MAGI2: variants seen among roughly 807,000 people sequenced by gnomAD.
MAGI2 encodes membrane-associated guanylate kinase, WW and PDZ domain-containing protein 2.
In MAGI2, 35 loss-of-function variants were observed where a neutral mutation model predicts 133.3. The ratio of observed to expected loss-of-function variants is 0.26; its 90% CI spans 0.20 to 0.35. The LOEUF is 0.35. Ranked by LOEUF, MAGI2 falls within the 10% of genes least tolerant of loss-of-function variation. The pLI is 1.00. For missense variants in MAGI2, 1,636 were observed against 1,863.4 expected (o/e 0.88, Z 2.25); for synonymous variants, 729 against 710.6 (o/e 1.03, Z -0.41).
chr7:79,374,522 A>C (rs848917), intron 1 of MAGI2, among the ~76,000 whole-genome samples: 75,881 of 151,746 alleles, frequency 0.5, 20,413 homozygotes, highest in African/African-American at 0.7. Context: ...AGCTGTGAGA[A>C]AATGAATTTA....
chr7:78,423,866 T>C (rs561211382), intron 6 of MAGI2, among the ~76,000 whole-genome samples: 1 of 152,110 alleles, frequency 6.6e-6, no homozygotes, highest in Admixed American at 6.5e-5. Flanking sequence ...AGAGGTGACT[T>C]GGATGCTGTT....
chr7:78,498,974 C>T (rs939552030), intron 5 of MAGI2, among the ~76,000 whole-genome samples: 1 of 152,072 alleles, frequency 6.6e-6, no homozygotes, highest in African/African-American at 2.4e-5. Context: ...TTTTAATTTT[C>T]CACCTCCATC....
chr7:78,720,517 A>G (rs1412881199), intron 2 of MAGI2, among the ~76,000 whole-genome samples: 1 of 151,934 alleles, frequency 6.6e-6, no homozygotes, highest in East Asian at 1.9e-4. Context: ...TTATTTAGAT[A>G]TATAATTTAT....
intron 2 of MAGI2, among the ~76,000 whole-genome samples, chr7:78,670,158 T>G (rs936211801): frequency 1.3e-5 from 2 of 151,862 alleles, no homozygotes; most frequent in Non-Finnish European, 2.9e-5. Context: ...GACATGATTG[T>G]ATATCTAGAA....
At chr7:78,797,866 A>G (rs958767660) in intron 2 of MAGI2, among the ~76,000 whole-genome samples, 1 of 151,744 alleles carries the variant, frequency 6.6e-6, no homozygotes, top group Non-Finnish European at 1.5e-5. Context: ...AGAGTGCCCA[A>G]GAGCAGTTCA....
At position 78,127,337 on chromosome 7, in the gene MAGI2, G is replaced by A. The variant is rs202076461; in HGVS notation, c.3283C>T (p.Pro1095Ser). The A allele has an allele frequency of 6.2e-7, 1 of 1,611,118 alleles. No individual in the cohort carries two copies. Among genetic ancestry groups the A allele is most frequent in the African/African-American group, 1.3e-5 (1 of 75,018 alleles). The change falls in exon 19 of 22, where the codon CCG becomes TCG. Residue 1095 changes from proline (P) to serine (S), a missense_variant. Pro to Ser is a moderately conservative substitution (Grantham distance 74). Transcript: ENST00000354212. ...CCTGGGGGTTGCCTGTAATCCAGCGGGGGCTGCCTGTAGTCTGTGAATGGA... is the reference window on the plus strand; with the variant it reads ...CCTGGGGGTTGCCTGTAATCCAGCGAGGGCTGCCTGTAGTCTGTGAATGGA... Reference protein sequence around the residue: ...QPPFTDYRQPPLDYRQPPGGD... With the variant: ...QPPFTDYRQPSLDYRQPPGGD...
intron 2 of MAGI2, among the ~76,000 whole-genome samples, chr7:78,823,237 T>C (rs999562521): frequency 2.6e-5 from 4 of 152,206 alleles, no homozygotes; most frequent in African/African-American, 9.6e-5. Context: ...TGAAGGATGA[T>C]TTGACTGAGA....
At chr7:78,212,719 C>T (rs1227796324) in intron 10 of MAGI2, among the ~76,000 whole-genome samples, 1 of 152,178 alleles carries the variant, frequency 6.6e-6, no homozygotes, top group African/African-American at 2.4e-5. Context: ...CATGTGAATT[C>T]TAGTTTCAAA....
At chr7:78,031,625 AT>A in intron 21 of MAGI2, among the ~76,000 whole-genome samples, 1 of 152,100 alleles carries the variant, frequency 6.6e-6, no homozygotes, top group Non-Finnish European at 1.5e-5. Flanking sequence ...GGCATCTTTA[AT>A]CTCAAAGCTT....
intron 1 of MAGI2, among the ~76,000 whole-genome samples, chr7:79,346,106 G>C (rs1156423571): frequency 6.6e-6 from 1 of 151,956 alleles, no homozygotes; most frequent in Non-Finnish European, 1.5e-5. Flanking sequence ...ATTTTTGAGG[G>C]AAAAGTAATA....
At position 78,051,603 on chromosome 7, in the gene MAGI2, G is replaced by T. The variant is rs140682490; in HGVS notation, c.3706+27344C>A. 3.6e-3 allele frequency among the ~76,000 whole-genome samples: 550 copies of T among 152,212 alleles called. 3 individuals carry two copies. The highest frequency in any genetic ancestry group is 0.012 in the African/African-American group (519 of 41,528). On this transcript the variant is annotated intron_variant, in intron 21 of 21. Coordinates refer to ENST00000354212, the MANE Select transcript of MAGI2 (RefSeq NM_012301.4). Reference sequence around the variant, plus strand: ...TGCTATAGTTTGGAGATACATATTTGAGACAGAGTCTGGCTCTGTTGCCCA... The same window carrying T: ...TGCTATAGTTTGGAGATACATATTTTAGACAGAGTCTGGCTCTGTTGCCCA...
chr7:78,123,120 GAT>G (rs963517772), intron 20 of MAGI2, among the ~76,000 whole-genome samples: 3 of 152,136 alleles, frequency 2.0e-5, no homozygotes, highest in African/African-American at 7.2e-5. Context: ...ACGTGACAAT[GAT>G]ATATCTCTTT....
At chr7:78,399,242 G>A (rs546801720) in intron 6 of MAGI2, among the ~76,000 whole-genome samples, 21 of 152,166 alleles carry the variant, frequency 1.4e-4, no homozygotes, top group South Asian at 8.3e-4. Flanking sequence ...ACATGCATGC[G>A]GGTGTGTGCA....
chr7:78,764,573 GTTC>G (rs1034995733), intron 2 of MAGI2, among the ~76,000 whole-genome samples: 2 of 152,270 alleles, frequency 1.3e-5, no homozygotes, highest in South Asian at 2.1e-4. Flanking sequence ...ATGTTAAACA[GTTC>G]TTCTTCCTCT....
chr7:79,328,802 G>T (rs935839356), intron 1 of MAGI2, among the ~76,000 whole-genome samples: 3 of 151,914 alleles, frequency 2.0e-5, no homozygotes, highest in African/African-American at 7.3e-5. Flanking sequence ...TATTTTTCTT[G>T]TGCTTAAACC....
At chr7:78,945,777 T>C (rs1209009887) in intron 2 of MAGI2, among the ~76,000 whole-genome samples, 2 of 152,184 alleles carry the variant, frequency 1.3e-5, no homozygotes. Context: ...TTGCACATAC[T>C]GTGTGCGTCA....
intron 3 of MAGI2, among the ~76,000 whole-genome samples, chr7:78,620,065 AT>A (rs1173937069): frequency 6.6e-6 from 1 of 151,950 alleles, no homozygotes; most frequent in Non-Finnish European, 1.5e-5. Flanking sequence ...CACAGTAAAA[AT>A]TTCCTCTTGT....
At chr7:79,190,810 A>G (rs776083426) in intron 1 of MAGI2, among the ~76,000 whole-genome samples, 15 of 151,762 alleles carry the variant, frequency 9.9e-5, no homozygotes, top group Non-Finnish European at 2.2e-4. Flanking sequence ...ACACTAGTCT[A>G]ATTTTTTTCT....
chr7:79,264,128 G>A (rs927447479), intron 1 of MAGI2, among the ~76,000 whole-genome samples: 2 of 152,126 alleles, frequency 1.3e-5, no homozygotes, highest in Non-Finnish European at 2.9e-5. Flanking sequence ...AAAATCCAGT[G>A]TGCATTTTAT....
Sources: allele counts gnomAD v4.1 joint callset (sites outside exome capture counted in the v4.1 genomes callset), GRCh38; gene constraint gnomAD v4.1.1; transcripts MANE v1.5; gene names NCBI Gene and HGNC (gene_info 2026-07-23, HGNC 2026-07-21).